Variants in BTRC observed in about 807,000 individuals in gnomAD.
BTRC encodes beta-transducin repeat containing E3 ubiquitin protein ligase.
BTRC carries 42 observed loss-of-function variants against 85.5 expected under a neutral mutation model. The observed-to-expected ratio is 0.49, with a 90% CI of 0.38 to 0.64. The LOEUF (loss-of-function observed/expected upper bound fraction) is 0.64. Ranked by LOEUF, BTRC falls within the 30% of genes least tolerant of loss-of-function variation. The pLI is 0.00. For synonymous variants in BTRC, 255 were observed against 263.3 expected (o/e 0.97, Z 0.30); for missense variants, 594 against 743.5 (o/e 0.80, Z 2.34).
At chr10:101,495,891 GCCCACTA>G (rs1477529561) in intron 4 of BTRC, among the ~76,000 whole-genome samples, 1 of 148,104 alleles carries the variant, frequency 6.8e-6, no homozygotes, top group African/African-American at 2.4e-5. Flanking sequence ...CATTACCGGA[GCCCACTA>G]CTACCCTCTT....
At chr10:101,469,272 A>G (rs1008864811) in intron 3 of BTRC, among the ~76,000 whole-genome samples, 1 of 152,212 alleles carries the variant, frequency 6.6e-6, no homozygotes, top group Non-Finnish European at 1.5e-5. Context: ...TTAATTGCAG[A>G]GTGGTAAAGG....
chr10:101,550,074 G>A (rs2062625840), intron 13 of BTRC, among the ~76,000 whole-genome samples: 1 of 152,096 alleles, frequency 6.6e-6, no homozygotes, highest in African/African-American at 2.4e-5. Context: ...GATTGTAGAA[G>A]GAACTTAGAA....
intron 1 of BTRC, among the ~76,000 whole-genome samples, chr10:101,372,443 C>T (rs757076643): frequency 2.0e-5 from 3 of 149,504 alleles, no homozygotes; most frequent in African/African-American, 7.3e-5. Context: ...TTAGTAGAGA[C>T]GGGGTTTCAC....
chr10:101,448,619 T>G (rs1162857555), intron 2 of BTRC, among the ~76,000 whole-genome samples: 2 of 152,072 alleles, frequency 1.3e-5, no homozygotes, highest in African/African-American at 4.8e-5. Context: ...CTGAGTTATA[T>G]TTGCTGTTTT....
chr10:101,529,054 A>G (rs1484782750), intron 6 of BTRC, among the ~76,000 whole-genome samples: 5 of 152,178 alleles, frequency 3.3e-5, no homozygotes, highest in Non-Finnish European at 4.4e-5. Context: ...GGAAAAGTCA[A>G]TTTTCTTAAT....
chr10:101,477,124 G>A (rs1226424520), intron 3 of BTRC, among the ~76,000 whole-genome samples: 2 of 152,040 alleles, frequency 1.3e-5, no homozygotes, highest in African/African-American at 4.8e-5. Flanking sequence ...TTACAGGCAT[G>A]CACCACCACG....
At chr10:101,476,493 A>G (rs1412529329) in intron 3 of BTRC, among the ~76,000 whole-genome samples, 2 of 152,078 alleles carry the variant, frequency 1.3e-5, no homozygotes, top group Non-Finnish European at 2.9e-5. Context: ...TTTTAAAGAG[A>G]TGATGTCTTG....
chr10:101,499,323 G>A (rs1011270065), intron 4 of BTRC, among the ~76,000 whole-genome samples: 1 of 151,706 alleles, frequency 6.6e-6, no homozygotes, highest in Non-Finnish European at 1.5e-5. Flanking sequence ...TGCAACCTCC[G>A]CCTTCTGGGC....
chr10:101,459,970 A>G (rs1031468114), intron 2 of BTRC, among the ~76,000 whole-genome samples: 12 of 152,220 alleles, frequency 7.9e-5, no homozygotes, highest in Non-Finnish European at 1.6e-4. Context: ...TGGTATGACA[A>G]ACTTCCAGCA....
intron 1 of BTRC, among the ~76,000 whole-genome samples, chr10:101,366,656 C>CAG (rs913127330): frequency 6.8e-6 from 1 of 147,514 alleles, no homozygotes; most frequent in African/African-American, 2.5e-5. Context: ...GCCAGGAGAT[C>CAG]AGAAGTTGGG....
intron 1 of BTRC, among the ~76,000 whole-genome samples, chr10:101,404,031 T>TA (rs1472677968): frequency 5.8e-4 from 7 of 12,144 alleles, no homozygotes; most frequent in African/African-American, 2.1e-3. Context: ...TATATATATA[T>TA]TTTTTTTTTT....
intron 2 of BTRC, among the ~76,000 whole-genome samples, chr10:101,442,842 T>C (rs1298151436): frequency 6.6e-6 from 1 of 152,040 alleles, no homozygotes; most frequent in Admixed American, 6.6e-5. Flanking sequence ...ATTATGCTTA[T>C]ATTAATTATA....
intron 1 of BTRC, among the ~76,000 whole-genome samples, chr10:101,423,881 A>G (rs369414731): frequency 3.3e-5 from 5 of 152,206 alleles, no homozygotes; most frequent in South Asian, 2.1e-4. Context: ...ACAGAAGCCT[A>G]TTCCTGGTGA....
chr10:101,399,431 G>C (rs1472431726), intron 1 of BTRC, among the ~76,000 whole-genome samples: 1 of 150,114 alleles, frequency 6.7e-6, no homozygotes. Context: ...TACAACTTAG[G>C]ATATTAAATG....
At chr10:101,514,672 C>T (rs11595777) in intron 4 of BTRC, among the ~76,000 whole-genome samples, 40,056 of 151,962 alleles carry the variant, frequency 0.26, 6,331 homozygotes, top group South Asian at 0.4. Flanking sequence ...AGGCTGGTCT[C>T]GATTTCCTGA....
intron 1 of BTRC, among the ~76,000 whole-genome samples, chr10:101,375,866 T>C (rs1942777500): frequency 1.3e-5 from 2 of 152,258 alleles, no homozygotes; most frequent in African/African-American, 2.4e-5. Context: ...TTTCTGATGC[T>C]GGTGTTTCTC....
At chr10:101,526,246 C>G in intron 6 of BTRC, 47 bp downstream of exon 6, 1 of 1,530,548 alleles carries the variant, frequency 6.5e-7, no homozygotes, top group South Asian at 1.3e-5. Flanking sequence ...AGGACCTGGC[C>G]ATTCACAGTC....
At chr10:101,420,031 T>G (rs1944056283) in intron 1 of BTRC, among the ~76,000 whole-genome samples, 1 of 124,520 alleles carries the variant, frequency 8.0e-6, no homozygotes, top group Non-Finnish European at 1.7e-5. Context: ...TGGTAGTCAG[T>G]CTGTGTGTGT....
At chr10:101,373,409 T>C (rs919887242) in intron 1 of BTRC, among the ~76,000 whole-genome samples, 7 of 152,118 alleles carry the variant, frequency 4.6e-5, no homozygotes, top group Non-Finnish European at 7.3e-5. Flanking sequence ...TTCAAGGATA[T>C]TCTGGAGACA....
Sources: allele counts gnomAD v4.1 joint callset (sites outside exome capture counted in the v4.1 genomes callset), GRCh38; gene constraint gnomAD v4.1.1; transcripts MANE v1.5; gene names NCBI Gene and HGNC (gene_info 2026-07-23, HGNC 2026-07-21).